Variants in TTC34 observed in about 807,000 individuals in gnomAD.
TTC34 encodes the protein tetratricopeptide repeat protein 34.
A neutral mutation model predicts 40.7 loss-of-function variants in TTC34; 44 were observed. That is an observed-to-expected ratio of 1.08 (90% confidence interval 0.85 to 1.39). The LOEUF (loss-of-function observed/expected upper bound fraction) is 1.39, where lower values mean the gene tolerates loss of function less well. Among genes scored for constraint, TTC34 ranks in the 40% most tolerant of loss-of-function variants. The probability of loss-of-function intolerance (pLI) is 0.00; values close to 1 mark genes in which losing one functional copy is unlikely to be tolerated. For synonymous variants in TTC34, 422 were observed against 398.6 expected (o/e 1.06, Z -0.70); for missense variants, 884 against 838.0 (o/e 1.05, Z -0.68).
At chr1:2,783,567 C>T (rs1643521805) in intron 6 of TTC34, 42 bp downstream of exon 6, 2 of 1,331,082 alleles carry the variant, frequency 1.5e-6, no homozygotes, top group African/African-American at 1.5e-5. Flanking sequence ...CTGGGTCCCC[C>T]ACCCGTGCTT....
In TTC34 at chr1:2,645,899, C is replaced by T. The variant is rs1570747186; in HGVS notation, c.2227-336G>A. 1.3e-5 allele frequency among the ~76,000 whole-genome samples: 2 copies of T among 152,286 alleles called. No individual in the cohort carries two copies. On this transcript the variant is annotated intron_variant, in intron 6 of 8. Coordinates refer to ENST00000401095, the Ensembl canonical transcript of TTC34. The surrounding 1 kb of genome is among the most constrained non-coding windows in gnomAD (Gnocchi z 4.7). ...GTCTGTGAGCCCTCCCTGGGTCCCT[C>T]GCTCTCCCAGCTTGTAGCTGGCTCC...
At chr1:2,801,119 C>T (rs1049646793) in intron 1 of TTC34, among the ~76,000 whole-genome samples, 1 of 152,190 alleles carries the variant, frequency 6.6e-6, no homozygotes, top group East Asian at 1.9e-4. Context: ...GGACAGTGGC[C>T]TCCCCCAGCT....
intron 6 of TTC34, among the ~76,000 whole-genome samples, chr1:2,690,671 A>C (rs1328206367): frequency 2.5e-3 from 166 of 65,468 alleles, no homozygotes; most frequent in East Asian, 4.3e-3. Flanking sequence ...CCCAGGTGAG[A>C]ATCTGACAGC....
chr1:2,775,369 C>A (rs1195341179), intron 6 of TTC34: 4 of 148,368 alleles, frequency 2.7e-5, no homozygotes, highest in Admixed American at 6.7e-5. Context: ...GAGAATATGA[C>A]AGAATAAAGC....
exon 9 of TTC34, chr1:2,640,939 G>T: frequency 6.5e-6 from 1 of 153,826 alleles, no homozygotes. Flanking sequence ...GTAGGAAGCT[G>T]TCCCCTGTCC....
chr1:2,749,780 T>C (rs1314200074), intron 6 of TTC34, among the ~76,000 whole-genome samples: 10 of 48,548 alleles, frequency 2.1e-4, no homozygotes, highest in African/African-American at 3.3e-4. Flanking sequence ...GGCGAGCATC[T>C]GACAGCATGT....
At position 2,645,552 on chromosome 1, in the gene TTC34, G is replaced by A. The variant is rs1279444186; in HGVS notation, c.2238C>T (p.Asp746=). The A allele has an allele frequency of 1.6e-5, 9 of 561,544 alleles. No homozygotes were observed. Among genetic ancestry groups the A allele is most frequent in the African/African-American group, 4.7e-5 (2 of 42,580 alleles). 34.8% of individuals were successfully genotyped at this position (561,544 alleles called of 1,614,324 possible). A position where few individuals can be genotyped will look rare whatever the true frequency, so the allele number is the denominator to read the frequency against. The change falls in exon 7 of 9, where the codon GAC becomes GAT. Residue 746 remains aspartate (D), a synonymous_variant. Transcript: ENST00000401095. The surrounding 1 kb of genome is among the most constrained non-coding windows in gnomAD (Gnocchi z 4.7). ...CGAGCTTCAGAGCAGAGACGATGTC[G>A]TCCACGGCTTCCTGCAAGGAGGGAG... is the stretch of plus-strand genomic sequence containing the variant.
At chr1:2,783,990 TG>T (rs1156633966) in intron 5 of TTC34, among the ~76,000 whole-genome samples, 1 of 151,390 alleles carries the variant, frequency 6.6e-6, no homozygotes, top group Non-Finnish European at 1.5e-5. Flanking sequence ...TGGGGACAGC[TG>T]GGGGGCTGCC....
intron 6 of TTC34, among the ~76,000 whole-genome samples, chr1:2,782,504 C>CTT (rs758330646): frequency 3.6e-4 from 30 of 84,096 alleles, no homozygotes; most frequent in African/African-American, 1.5e-3. Context: ...CTGCTGTAAT[C>CTT]TTTTTCTCTC....
At chr1:2,675,144 C>T (rs148703795) in intron 6 of TTC34, among the ~76,000 whole-genome samples, 212 of 2,630 alleles carry the variant, frequency 0.081, no homozygotes, top group African/African-American at 0.11. Flanking sequence ...TCTGACAGCC[C>T]GTAGCAGCAC....
intron 6 of TTC34, among the ~76,000 whole-genome samples, chr1:2,694,917 C>G (rs367628509): frequency 0.25 from 1,134 of 4,556 alleles, 43 homozygotes; most frequent in Admixed American, 0.33. Flanking sequence ...CACACACTCA[C>G]GCGAGCACCT....
chr1:2,768,620 A>C (rs1641880497), intron 6 of TTC34, among the ~76,000 whole-genome samples: 1 of 151,402 alleles, frequency 6.6e-6, no homozygotes, highest in Non-Finnish European at 1.5e-5. Context: ...GGTACCCCAC[A>C]TGCAGGTGAG....
At chr1:2,644,184 C>T in intron 8 of TTC34, 80 bp downstream of exon 8, 4 of 1,382,146 alleles carry the variant, frequency 2.9e-6, no homozygotes, top group Non-Finnish European at 2.9e-6. Flanking sequence ...AGAAAGGCTG[C>T]CCCAGTGGTG....
At chr1:2,652,192 A>G (rs1214210572) in intron 6 of TTC34, among the ~76,000 whole-genome samples, 3 of 118,428 alleles carry the variant, frequency 2.5e-5, no homozygotes, top group Non-Finnish European at 5.7e-5. Context: ...ACAGACTGGA[A>G]CAGCACCCTG....
chr1:2,699,800 G>C (rs1641046447), intron 6 of TTC34, among the ~76,000 whole-genome samples: 1 of 59,904 alleles, frequency 1.7e-5, no homozygotes. Flanking sequence ...ACATCCTCGA[G>C]CATCACATAC....
chr1:2,757,016 AGCACGC>A (rs1641529150), intron 6 of TTC34, among the ~76,000 whole-genome samples: 1 of 134,538 alleles, frequency 7.4e-6, no homozygotes, highest in Non-Finnish European at 1.7e-5. Context: ...AGCCTGGAAC[AGCACGC>A]GCACCCCCAG....
At position 2,750,342 on chromosome 1, in the gene TTC34, C is replaced by T. The variant is rs1357445000; in HGVS notation, c.2226+33267G>A. Among the ~76,000 whole-genome samples the T allele has an allele frequency of 5.1e-5, 4 of 79,136 alleles. 2 individuals carry two copies. The highest frequency in any genetic ancestry group is 2.6e-4 in the African/African-American group (4 of 15,278). 51.9% of individuals were successfully genotyped at this position (79,136 alleles called of 152,430 possible). A position where few individuals can be genotyped will look rare whatever the true frequency, so the allele number is the denominator to read the frequency against. Reference sequence around the variant, plus strand: ...CCCCCATGCCCAGGTGAGCCTCTGACAGCCTTGAACAGCACCCTGCACCCC... The same window carrying T: ...CCCCCATGCCCAGGTGAGCCTCTGATAGCCTTGAACAGCACCCTGCACCCC... On this transcript the variant is annotated intron_variant, in intron 6 of 8. Transcript: ENST00000401095.
intron 6 of TTC34, among the ~76,000 whole-genome samples, chr1:2,750,548 T>G (rs1641281782): frequency 1.3e-5 from 2 of 151,912 alleles, no homozygotes; most frequent in Non-Finnish European, 2.9e-5. Context: ...TCCGACAGCC[T>G]GGGGCAGCAC....
intron 2 of TTC34, among the ~76,000 whole-genome samples, chr1:2,797,718 C>T (rs1643721838): frequency 6.6e-6 from 1 of 152,062 alleles, no homozygotes; most frequent in Non-Finnish European, 1.5e-5. Context: ...GGTGCTCCTC[C>T]AGAAGGAAGA....
Sources: allele counts gnomAD v4.1 joint callset (sites outside exome capture counted in the v4.1 genomes callset), GRCh38; gene constraint gnomAD v4.1.1; non-coding constraint Gnocchi (gnomAD v3.1); transcripts MANE v1.5; gene names NCBI Gene and HGNC (gene_info 2026-07-23, HGNC 2026-07-21).